The following ADARB1 variants were observed in gnomAD, a reference collection of about 807,000 sequenced individuals.
The protein encoded by ADARB1 is double-stranded RNA-specific editase 1.
A neutral mutation model predicts 52.4 loss-of-function variants in ADARB1; 10 were observed. The ratio of observed to expected loss-of-function variants is 0.19; its 90% CI spans 0.12 to 0.32. ADARB1 has a LOEUF of 0.32. ADARB1 is among the 10% of genes least tolerant of loss of function. The pLI is 1.00. For synonymous variants in ADARB1, 349 were observed against 371.1 expected (o/e 0.94, Z 0.68); for missense variants, 643 against 922.3 (o/e 0.70, Z 3.92).
At chr21:45,185,771 G>A (rs2092083686) in intron 8 of ADARB1, among the ~76,000 whole-genome samples, 1 of 152,202 alleles carries the variant, frequency 6.6e-6, no homozygotes, top group Non-Finnish European at 1.5e-5. Flanking sequence ...AGTAACATAA[G>A]CAGATGGCAA....
At chr21:45,103,795 A>G (rs968598942) in intron 1 of ADARB1, among the ~76,000 whole-genome samples, 7 of 152,184 alleles carry the variant, frequency 4.6e-5, no homozygotes, top group Non-Finnish European at 1.0e-4. Flanking sequence ...CTTCAAATCT[A>G]AAATTGTTCT....
At chr21:45,113,497 ATGTGTGTGTG>A (rs35666010) in intron 1 of ADARB1, among the ~76,000 whole-genome samples, 16 of 146,294 alleles carry the variant, frequency 1.1e-4, no homozygotes, top group East Asian at 5.9e-4. Flanking sequence ...GTGTGTATAT[ATGTGTGTGTG>A]TGTGTGTGTG....
chr21:45,136,400 A>G lies in ADARB1; in HGVS notation c.-48+7827A>G, dbSNP rs552474993. The stretch of plus-strand genomic sequence containing the variant: ...CTGAGATGACAGGGAAGAACTACAG[A>G]TACACCAGATTTAGGGAAAATAACG... On this transcript the variant is annotated intron_variant, in intron 2 of 10. Transcript: ENST00000348831. Among the ~76,000 whole-genome samples, 11 of 152,300 alleles carry G rather than the reference A, an allele frequency of 7.2e-5. No individual in the cohort carries two copies. The South Asian group carries it at 2.3e-3, about 32-fold the overall frequency.
rs190730517 is a variant in ADARB1, at chr21:45,135,970, G to T, written c.-48+7397G>T. Among the ~76,000 whole-genome samples the T allele has an allele frequency of 1.7e-3, 261 of 152,272 alleles. 3 individuals carry two copies. Among genetic ancestry groups the T allele is most frequent in the African/African-American group, 6.1e-3 (255 of 41,530 alleles). ...TCCAAAGACCCTTCTAATTTTAGAG[G>T]CCGCCAGCAGCCACGGGACTAGGCA... On this transcript the variant is annotated intron_variant, in intron 2 of 10. Coordinates refer to ENST00000348831, the MANE Select transcript of ADARB1 (RefSeq NM_001112.4).
chr21:45,174,142 T>C (rs546035735), intron 3 of ADARB1, among the ~76,000 whole-genome samples: 1 of 152,362 alleles, frequency 6.6e-6, no homozygotes, highest in East Asian at 1.9e-4. Context: ...TTTACACATG[T>C]AGTAGAAATA....
At chr21:45,081,652 G>T (rs1210486853) in intron 1 of ADARB1, among the ~76,000 whole-genome samples, 1 of 152,160 alleles carries the variant, frequency 6.6e-6, no homozygotes, top group Non-Finnish European at 1.5e-5. Flanking sequence ...TGGCATGACC[G>T]AGGAGACAGG....
At chr21:45,101,656 C>T (rs977029460) in intron 1 of ADARB1, among the ~76,000 whole-genome samples, 3 of 152,150 alleles carry the variant, frequency 2.0e-5, no homozygotes, top group African/African-American at 7.2e-5. Context: ...ACTTCACCAT[C>T]GTAGAGCTTT....
chr21:45,121,414 G>T (rs2088178498), intron 1 of ADARB1, among the ~76,000 whole-genome samples: 1 of 152,192 alleles, frequency 6.6e-6, no homozygotes, highest in Non-Finnish European at 1.5e-5. Flanking sequence ...ATCTCATCCT[G>T]CTCCACTACT....
rs2091698701 is a variant in ADARB1, at chr21:45,176,427, A to G, written c.726A>G (p.Glu242=). Residue 242 remains glutamate (E), a synonymous_variant, in exon 4 of 11, where the codon GAA becomes GAG. Transcript: ENST00000348831. This position sits in a 1 kb window ranked among gnomAD's most constrained non-coding sequence, Gnocchi z 5.8. The part of the protein sequence containing the change: ...SGKNPVMILN[E]LRPGLKYDFL... ...AGAATCCCGTGATGATCTTGAACGA[A>G]CTGCGCCCAGGACTCAAGTATGACT... is the stretch of plus-strand genomic sequence containing the variant. 1 of 1,613,964 alleles carries G rather than the reference A, an allele frequency of 6.2e-7. No homozygotes were observed. The highest frequency in any genetic ancestry group is 8.5e-7 in the Non-Finnish European group (1 of 1,180,022).
intron 1 of ADARB1, among the ~76,000 whole-genome samples, chr21:45,127,754 G>A (rs1037650056): frequency 3.3e-5 from 5 of 152,104 alleles, no homozygotes; most frequent in African/African-American, 1.2e-4. Context: ...CTCTGCAATG[G>A]AGAAACCCAT....
chr21:45,117,391 T>C (rs2087891187), intron 1 of ADARB1, among the ~76,000 whole-genome samples: 1 of 152,238 alleles, frequency 6.6e-6, no homozygotes, highest in Admixed American at 6.5e-5. Context: ...GTGTCAGCAC[T>C]GGATTCTGGC....
chr21:45,179,005 C>T (rs1256098033), intron 4 of ADARB1, among the ~76,000 whole-genome samples: 1 of 152,202 alleles, frequency 6.6e-6, no homozygotes, highest in Non-Finnish European at 1.5e-5. Context: ...GAAATGGAAA[C>T]TTTTATTTCC....
chr21:45,121,774 C>G (rs2088204239), intron 1 of ADARB1, among the ~76,000 whole-genome samples: 1 of 152,160 alleles, frequency 6.6e-6, no homozygotes, highest in Non-Finnish European at 1.5e-5. Context: ...CTGCCAAGTC[C>G]AATTGGTCAT....
In ADARB1 at chr21:45,183,528, T is replaced by G; in HGVS notation, c.1396+18T>G. ...CCTGGAAGGTATGAGACGAGATTCT[T>G]CAACAAGCCAGTTTCTCAAGAAAAT... On this transcript the variant is annotated intron_variant, in intron 7 of 10. Transcript: ENST00000348831. 1.2e-6 allele frequency: 2 copies of G among 1,609,518 alleles called. No homozygotes were observed. Among genetic ancestry groups the G allele is most frequent in the Non-Finnish European group, 8.5e-7 (1 of 1,178,874 alleles).
chr21:45,222,368 AG>A lies in ADARB1; in HGVS notation c.*173del. 1 of 1,365,794 alleles carries A rather than the reference AG, an allele frequency of 7.3e-7. No homozygotes were observed. Among genetic ancestry groups the A allele is most frequent in the Non-Finnish European group, 9.4e-7 (1 of 1,066,522 alleles). 84.6% of individuals were successfully genotyped at this position (1,365,794 alleles called of 1,614,324 possible). Reference sequence around the variant, plus strand: ...CAGCATCTCACATCAGACCTGGGGCAGGTGCGCAGTGTGGGGAGGGGATGGG... The same window carrying A: ...CAGCATCTCACATCAGACCTGGGGCAGTGCGCAGTGTGGGGAGGGGATGGG... On this transcript the variant is annotated 3_prime_UTR_variant, in exon 11 of 11. Coordinates refer to ENST00000348831, the MANE Select transcript of ADARB1 (RefSeq NM_001112.4).
intron 2 of ADARB1, among the ~76,000 whole-genome samples, chr21:45,144,134 T>A (rs1246881810): frequency 2.0e-5 from 3 of 152,238 alleles, no homozygotes; most frequent in Non-Finnish European, 4.4e-5. Context: ...TAATATTACG[T>A]TAAGTAATGT....
intron 1 of ADARB1, among the ~76,000 whole-genome samples, chr21:45,084,542 T>G (rs1036030185): frequency 6.6e-6 from 1 of 152,214 alleles, no homozygotes; most frequent in Non-Finnish European, 1.5e-5. Flanking sequence ...GTTTCCTCAG[T>G]CTTAGGGGGA....
At chr21:45,144,318 G>T (rs905130709) in intron 2 of ADARB1, among the ~76,000 whole-genome samples, 4 of 152,040 alleles carry the variant, frequency 2.6e-5, no homozygotes, top group Non-Finnish European at 5.9e-5. Flanking sequence ...TACTCTGAGG[G>T]CATAGATAAA....
Position 45,088,498 on chromosome 21 carries a change from A to C in ADARB1, c.-220+13705A>C, listed in dbSNP as rs145481845. ...ACTTCTTATATTGATATAAGAAGAA[A>C]TTGAAAAAATAAGGAGAAGGGACAT... On this transcript the variant is annotated intron_variant, in intron 1 of 10. Coordinates refer to ENST00000348831, the MANE Select transcript of ADARB1 (RefSeq NM_001112.4). Among the ~76,000 whole-genome samples the C allele has an allele frequency of 2.6e-3, 393 of 152,358 alleles. 1 individual carries two copies. The highest frequency in any genetic ancestry group is 8.6e-3 in the African/African-American group (356 of 41,578).
Sources: gnomAD v4.1 joint callset for allele counts (sites outside exome capture counted in the v4.1 genomes callset) on GRCh38, gnomAD v4.1.1 for gene constraint, Gnocchi (gnomAD v3.1) non-coding constraint, MANE v1.5 for transcripts, NCBI Gene and HGNC (gene_info 2026-07-23, HGNC 2026-07-21) for gene names.